The following AFF3 variants were observed in gnomAD, a reference collection of about 807,000 sequenced individuals.
AFF3 encodes ALF transcription elongation factor 3.
Under a neutral mutation model 129.7 loss-of-function variants are expected in AFF3, and 32 were observed. That is an observed-to-expected ratio of 0.25 (90% CI 0.19 to 0.33). AFF3 has a LOEUF of 0.33. Ranked by LOEUF, AFF3 falls within the 10% of genes least tolerant of loss-of-function variation. The pLI is 1.00. For missense variants in AFF3, 1,373 were observed against 1,592.0 expected (o/e 0.86, Z 2.34); for synonymous variants, 644 against 635.4 (o/e 1.01, Z -0.20).
chr2:99,618,039 G>A (rs1024077142), intron 13 of AFF3, among the ~76,000 whole-genome samples: 41 of 152,046 alleles, frequency 2.7e-4, no homozygotes, highest in African/African-American at 8.9e-4. Context: ...CGTGAGGCAG[G>A]ATGGTGCATA....
intron 7 of AFF3, among the ~76,000 whole-genome samples, chr2:99,864,168 G>A (rs1691203301): frequency 6.6e-6 from 1 of 152,176 alleles, no homozygotes; most frequent in South Asian, 2.1e-4. Flanking sequence ...GTGATCCAAG[G>A]AACCTGATGA....
At chr2:99,988,628 C>G (rs1041814503) in intron 7 of AFF3, among the ~76,000 whole-genome samples, 2 of 152,146 alleles carry the variant, frequency 1.3e-5, no homozygotes, top group Non-Finnish European at 2.9e-5. Flanking sequence ...CCTACAATCT[C>G]CTTTCAGAGA....
At chr2:99,857,662 C>T (rs1209016739) in intron 7 of AFF3, among the ~76,000 whole-genome samples, 2 of 152,206 alleles carry the variant, frequency 1.3e-5, no homozygotes, top group Admixed American at 6.5e-5. Context: ...CTTCCTGTGT[C>T]TGATGGTGAA....
intron 13 of AFF3, among the ~76,000 whole-genome samples, chr2:99,603,965 T>C (rs1640324520): frequency 6.6e-6 from 1 of 151,902 alleles, no homozygotes; most frequent in African/African-American, 2.4e-5. Context: ...TACGTAAAAA[T>C]CCAAAAATAA....
At chr2:99,930,027 A>ACTCATC (rs1696554483) in intron 7 of AFF3, among the ~76,000 whole-genome samples, 1 of 151,990 alleles carries the variant, frequency 6.6e-6, no homozygotes, top group Admixed American at 6.6e-5. Context: ...TGAGATGGAG[A>ACTCATC]CTGCCACAGA....
chr2:100,096,250 A>G (rs1690281484), intron 4 of AFF3, among the ~76,000 whole-genome samples: 1 of 152,038 alleles, frequency 6.6e-6, no homozygotes, highest in South Asian at 2.1e-4. Context: ...ATACAACAGA[A>G]GGTCCCGGGC....
At chr2:99,973,690 T>C (rs1304512392) in intron 7 of AFF3, among the ~76,000 whole-genome samples, 1 of 151,316 alleles carries the variant, frequency 6.6e-6, no homozygotes, top group African/African-American at 2.4e-5. Flanking sequence ...CCATCTTCAG[T>C]TTTTTTTTCC....
At chr2:99,812,112 A>G (rs1381710778) in intron 8 of AFF3, among the ~76,000 whole-genome samples, 1 of 152,176 alleles carries the variant, frequency 6.6e-6, no homozygotes, top group Non-Finnish European at 1.5e-5. Context: ...TCTTGTGCCC[A>G]ATGCAAAGAG....
chr2:99,987,475 G>A (rs371694736), intron 7 of AFF3, among the ~76,000 whole-genome samples: 78 of 152,134 alleles, frequency 5.1e-4, no homozygotes, highest in African/African-American at 1.8e-3. Context: ...GATCTAGCTG[G>A]GGGCCAAGGG....
intron 7 of AFF3, among the ~76,000 whole-genome samples, chr2:99,999,711 A>G (rs1363996358): frequency 6.6e-6 from 1 of 152,230 alleles, no homozygotes; most frequent in African/African-American, 2.4e-5. Flanking sequence ...CACTGTAAGT[A>G]CTAACTCATC....
chr2:100,106,149 C>A, intron 2 of AFF3: 1 of 1,227,298 alleles, frequency 8.1e-7, no homozygotes, highest in South Asian at 1.4e-5. Context: ...AGCCTGGCTC[C>A]CTTCTTCCCC....
intron 8 of AFF3, among the ~76,000 whole-genome samples, chr2:99,789,233 G>C (rs112920474): frequency 6.6e-6 from 1 of 151,946 alleles, no homozygotes; most frequent in Non-Finnish European, 1.5e-5. Context: ...CCAGGAGCTC[G>C]AGACCATCCT....
intron 7 of AFF3, among the ~76,000 whole-genome samples, chr2:99,919,103 G>A (rs746592430): frequency 2.2e-4 from 33 of 151,870 alleles, no homozygotes; most frequent in Non-Finnish European, 4.6e-4. Context: ...AATTCCCCCC[G>A]GTAGTAGTAC....
In AFF3 at chr2:99,592,174, G is replaced by A. The variant is rs117393993; in HGVS notation, c.2466+1021C>T. The stretch of plus-strand genomic sequence containing the variant: ...GGTATTCCCCTGCACAAAAACCTTC[G>A]AAATGGGCTACACGTTCAGGCTCTG... On this transcript the variant is annotated intron_variant, in intron 15 of 24. Coordinates refer to ENST00000672756, the MANE Select transcript of AFF3 (RefSeq NM_001386135.1). Among the ~76,000 whole-genome samples the A allele has an allele frequency of 2.5e-3, 378 of 152,248 alleles. 11 individuals are homozygous for A. The East Asian group carries it at 0.047, about 19-fold the overall frequency.
intron 1 of AFF3, among the ~76,000 whole-genome samples, chr2:100,139,753 T>C (rs780872129): frequency 4.5e-4 from 69 of 151,838 alleles, no homozygotes; most frequent in Non-Finnish European, 8.1e-4. Flanking sequence ...ATCAACTCAC[T>C]AATAACCAAA....
intron 4 of AFF3, among the ~76,000 whole-genome samples, chr2:100,020,877 C>CAGGA (rs1390490261): frequency 1.3e-5 from 2 of 152,218 alleles, no homozygotes; most frequent in Non-Finnish European, 2.9e-5. Context: ...TCGTTCCTCC[C>CAGGA]CCGTCAAGCC....
At chr2:99,936,044 A>T (rs1674495278) in intron 7 of AFF3, among the ~76,000 whole-genome samples, 1 of 149,182 alleles carries the variant, frequency 6.7e-6, no homozygotes, top group African/African-American at 2.5e-5. Flanking sequence ...TTCAAACATA[A>T]ATCTTTAAAA....
Position 99,546,537 on chromosome 2 carries a change from A to C in AFF3, c.*4937T>G, listed in dbSNP as rs1198855774. On this transcript the variant is annotated 3_prime_UTR_variant, in exon 25 of 25. Coordinates refer to ENST00000672756, the MANE Select transcript of AFF3 (RefSeq NM_001386135.1). Reference sequence around the variant, plus strand: ...ATTTGAATCTAAGGACATGGGCTGGATCAGGTGAAGGGATGGTTTTGCTTT... The same window carrying C: ...ATTTGAATCTAAGGACATGGGCTGGCTCAGGTGAAGGGATGGTTTTGCTTT... The C allele has an allele frequency of 4.3e-6, 1 of 232,856 alleles. No individual in the cohort carries two copies. Among genetic ancestry groups the C allele is most frequent in the Non-Finnish European group, 8.5e-6 (1 of 117,896 alleles). 14.4% of individuals were successfully genotyped at this position (232,856 alleles called of 1,614,324 possible).
At chr2:99,720,495 C>T (rs1678792378) in intron 11 of AFF3, among the ~76,000 whole-genome samples, 1 of 152,162 alleles carries the variant, frequency 6.6e-6, no homozygotes, top group African/African-American at 2.4e-5. Flanking sequence ...AGAAGCCAAG[C>T]AGATGCTGAT....
Sources: gnomAD v4.1 joint callset for allele counts (sites outside exome capture counted in the v4.1 genomes callset) on GRCh38, gnomAD v4.1.1 for gene constraint, MANE v1.5 for transcripts, NCBI Gene and HGNC (gene_info 2026-07-23, HGNC 2026-07-21) for gene names.